Variants in TARP observed in about 807,000 individuals in gnomAD.
the TARP span, chr7:38,265,747 G>A: frequency 2.6e-6 from 3 of 1,172,990 alleles, no homozygotes; most frequent in African/African-American, 1.7e-5. Context: ...ACAGTTTGGA[G>A]TGGCCTAGTA....
chr7:38,270,685 T>A, the TARP span, among the ~76,000 whole-genome samples: 1 of 151,196 alleles, frequency 6.6e-6, no homozygotes, highest in African/African-American at 2.4e-5. Flanking sequence ...CTCAAATCCA[T>A]CTCTCTGTTG....
the TARP span, among the ~76,000 whole-genome samples, chr7:38,263,628 A>C: frequency 6.6e-6 from 1 of 151,420 alleles, no homozygotes; most frequent in African/African-American, 2.4e-5. Flanking sequence ...TGAGAGTTGA[A>C]TTTATCTGTG....
At chr7:38,266,594 C>T in the TARP span, among the ~76,000 whole-genome samples, 1 of 151,978 alleles carries the variant, frequency 6.6e-6, no homozygotes, top group Non-Finnish European at 1.5e-5. Flanking sequence ...AGCCACCATG[C>T]CTAGCCATTT....
chr7:38,267,126 C>A, the TARP span, among the ~76,000 whole-genome samples: 192 of 151,792 alleles, frequency 1.3e-3, no homozygotes, highest in Non-Finnish European at 2.1e-3. Flanking sequence ...CTTTATGTCT[C>A]TCCCAGAATT....
At chr7:38,261,641 G>A in the TARP span, among the ~76,000 whole-genome samples, 3 of 151,366 alleles carry the variant, frequency 2.0e-5, no homozygotes, top group Non-Finnish European at 4.4e-5. Context: ...TCGGGAGGGC[G>A]AGGGGGCAGA....
the TARP span, among the ~76,000 whole-genome samples, chr7:38,262,965 T>C: frequency 2.0e-5 from 3 of 151,580 alleles, no homozygotes. Context: ...GGCCAAGAAT[T>C]CTTTCAGTCC....
chr7:38,270,622 C>T, the TARP span, among the ~76,000 whole-genome samples: 5 of 151,702 alleles, frequency 3.3e-5, no homozygotes, highest in African/African-American at 1.2e-4. Flanking sequence ...CTTGAAACAC[C>T]TGGCTTTACC....
the TARP span, among the ~76,000 whole-genome samples, chr7:38,268,594 G>C: frequency 6.6e-6 from 1 of 150,788 alleles, no homozygotes; most frequent in Non-Finnish European, 1.5e-5. Context: ...TAAATCTTAG[G>C]ACCAATATGT....
At chr7:38,271,045 AGGTAATCACAGGCCTTTTT>A in the TARP span, among the ~76,000 whole-genome samples, 1 of 150,914 alleles carries the variant, frequency 6.6e-6, no homozygotes, top group Non-Finnish European at 1.5e-5. Flanking sequence ...GCTCCTCACT[AGGTAATCACAGGCCTTTTT>A]CCTTCTCCTT....
chr7:38,271,431 C>T, the TARP span, among the ~76,000 whole-genome samples: 1 of 151,146 alleles, frequency 6.6e-6, no homozygotes, highest in Non-Finnish European at 1.5e-5. Flanking sequence ...TGTGTAACTT[C>T]TCATATTAAA....
chr7:38,260,815 C>T, the TARP span, among the ~76,000 whole-genome samples: 1 of 151,652 alleles, frequency 6.6e-6, no homozygotes, highest in Non-Finnish European at 1.5e-5. Flanking sequence ...TCCGTGACTC[C>T]CTGCCCTTGG....
the TARP span, chr7:38,269,344 C>T: frequency 3.4e-5 from 20 of 583,914 alleles, no homozygotes; most frequent in African/African-American, 5.6e-5. Context: ...TTAGTATGAG[C>T]GTTTGTTTTA....
the TARP span, chr7:38,269,385 C>A: frequency 3.2e-6 from 2 of 633,434 alleles, no homozygotes; most frequent in Admixed American, 2.6e-5. Context: ...ACATCAAATC[C>A]CCATCCAATT....
chr7:38,273,150 C>T, the TARP span, among the ~76,000 whole-genome samples: 48 of 149,782 alleles, frequency 3.2e-4, no homozygotes, highest in African/African-American at 1.1e-3. Context: ...ATGGTCACAC[C>T]GAGAAATATT....
the TARP span, among the ~76,000 whole-genome samples, chr7:38,268,925 G>A: frequency 6.6e-6 from 1 of 151,024 alleles, no homozygotes; most frequent in Non-Finnish European, 1.5e-5. Context: ...CCTATTTTGG[G>A]TTGGACAATG....
chr7:38,260,862 G>T, the TARP span, among the ~76,000 whole-genome samples: 1 of 151,762 alleles, frequency 6.6e-6, no homozygotes, highest in Non-Finnish European at 1.5e-5. Flanking sequence ...GCCTGGTGTG[G>T]CAGCCTAAGT....
the TARP span, among the ~76,000 whole-genome samples, chr7:38,268,010 T>C: frequency 6.6e-6 from 1 of 151,330 alleles, no homozygotes; most frequent in Admixed American, 6.6e-5. Context: ...TTCCAAAACT[T>C]TCTCAACGTA....
the TARP span, among the ~76,000 whole-genome samples, chr7:38,269,290 C>A: frequency 6.6e-6 from 1 of 151,696 alleles, no homozygotes; most frequent in Non-Finnish European, 1.5e-5. Flanking sequence ...TGCACAAAGC[C>A]AAATCTTATT....
the TARP span, among the ~76,000 whole-genome samples, chr7:38,264,344 G>C: frequency 6.6e-6 from 1 of 151,672 alleles, no homozygotes; most frequent in African/African-American, 2.4e-5. Flanking sequence ...CATAATCCCA[G>C]CACTTGGAGG....
Sources: gnomAD v4.1 joint callset for allele counts (sites outside exome capture counted in the v4.1 genomes callset) on GRCh38, gnomAD v4.1.1 for gene constraint, MANE v1.5 for transcripts.